The following WASF3 variants were observed in gnomAD, a reference collection of about 807,000 sequenced individuals.
WASF3 encodes WASP family member 3, also known as actin-binding protein WASF3.
WASF3 carries 11 observed loss-of-function variants against 46.6 expected under a neutral mutation model. That is an observed-to-expected ratio of 0.24 (90% CI 0.15 to 0.39). The LOEUF is 0.39. Ranked by LOEUF, WASF3 falls within the 10% of genes least tolerant of loss-of-function variation. WASF3 has a pLI of 1.00. For missense variants in WASF3, 576 were observed against 669.8 expected (o/e 0.86, Z 1.55); for synonymous variants, 242 against 259.7 (o/e 0.93, Z 0.65).
At chr13:26,562,594 A>C (rs1879326781) in intron 1 of WASF3, among the ~76,000 whole-genome samples, 1 of 152,046 alleles carries the variant, frequency 6.6e-6, no homozygotes, top group African/African-American at 2.4e-5. Context: ...CTGGTAAAGA[A>C]CCAGGAGAGG....
chr13:26,661,773 G>A (rs1593176526), intron 3 of WASF3, among the ~76,000 whole-genome samples: 1 of 152,146 alleles, frequency 6.6e-6, no homozygotes, highest in Non-Finnish European at 1.5e-5. Context: ...ACTTTTCTGC[G>A]TTTTTGTTTT....
In WASF3 at chr13:26,682,651, C is replaced by T; in HGVS notation, c.1028C>T (p.Pro343Leu). The T allele has an allele frequency of 1.2e-6, 2 of 1,614,126 alleles. No homozygotes were observed. The highest frequency in any genetic ancestry group is 2.2e-5 in the East Asian group (1 of 44,874). The change falls in exon 9 of 10, where the codon CCA becomes CTA. Residue 343 changes from proline to leucine, a missense_variant. By Grantham distance (98) the Pro-to-Leu change is moderately conservative. Coordinates refer to ENST00000335327, the MANE Select transcript of WASF3 (RefSeq NM_006646.6). This position sits in a 1 kb window ranked among gnomAD's most constrained non-coding sequence, Gnocchi z 4.4. ...QIIEYYNPSGPPPPPPPPVIP... is the reference protein window; with the variant it reads ...QIIEYYNPSGLPPPPPPPVIP... ...ATTGAGTATTACAACCCATCCGGAC[C>T]ACCTCCTCCGCCACCTCCTCCTGTG...
In WASF3 at chr13:26,688,665, T is replaced by C. The variant is rs906809484; in HGVS notation, c.*2820T>C. ...TTCTGAGCTCCAAGTGGCTAGGTTG[T>C]AAAAGTTTTATAATAATTTGCAATT... On this transcript the variant is annotated 3_prime_UTR_variant, in exon 10 of 10. Coordinates refer to ENST00000335327, the MANE Select transcript of WASF3 (RefSeq NM_006646.6). 3 of 152,362 alleles carry C rather than the reference T, an allele frequency of 2.0e-5. No individual in the cohort carries two copies. The highest frequency in any genetic ancestry group is 4.4e-5 in the Non-Finnish European group (3 of 68,038). The allele number at this position is 152,362 out of a possible 1,614,324, so 9.4% of individuals were successfully genotyped here.
At chr13:26,661,656 T>C (rs1882634134) in intron 3 of WASF3, among the ~76,000 whole-genome samples, 1 of 152,224 alleles carries the variant, frequency 6.6e-6, no homozygotes, top group Non-Finnish European at 1.5e-5. Flanking sequence ...CTGGGTCATA[T>C]GTTTAATTTT....
At chr13:26,647,405 T>C (rs747799150) in intron 3 of WASF3, among the ~76,000 whole-genome samples, 8 of 152,160 alleles carry the variant, frequency 5.3e-5, no homozygotes, top group South Asian at 2.1e-4. Context: ...GATTTTTTTT[T>C]CTTCAAATAA....
upstream of WASF3, among the ~76,000 whole-genome samples, chr13:26,554,116 TTTC>T: frequency 7.3e-6 from 1 of 136,356 alleles, no homozygotes; most frequent in Admixed American, 7.7e-5. Flanking sequence ...TCTTTCTTTC[TTTC>T]TTTCTTTCTT....
intron 3 of WASF3, among the ~76,000 whole-genome samples, chr13:26,658,037 G>C (rs1882517452): frequency 6.6e-6 from 1 of 152,140 alleles, no homozygotes; most frequent in South Asian, 2.1e-4. Flanking sequence ...GTCCTTTTCT[G>C]CTTATGCAGC....
intron 3 of WASF3, among the ~76,000 whole-genome samples, chr13:26,651,092 C>T (rs1882301940): frequency 6.6e-6 from 1 of 152,146 alleles, no homozygotes; most frequent in Non-Finnish European, 1.5e-5. Flanking sequence ...GAGGCCAAGG[C>T]AGGTGGATTA....
chr13:26,597,885 T>G (rs1477985410), intron 1 of WASF3, among the ~76,000 whole-genome samples: 1 of 152,210 alleles, frequency 6.6e-6, no homozygotes, highest in African/African-American at 2.4e-5. Flanking sequence ...TTTGGCCTGG[T>G]TCCAAGTCTT....
Position 26,688,677 on chromosome 13 carries a change from A to T in WASF3, c.*2832A>T, listed in dbSNP as rs2137536432. ...AGTGGCTAGGTTGTAAAAGTTTTAT[A>T]ATAATTTGCAATTAAAATACATGAT... On this transcript the variant is annotated 3_prime_UTR_variant, in exon 10 of 10. Coordinates refer to ENST00000335327, the MANE Select transcript of WASF3 (RefSeq NM_006646.6). The T allele has an allele frequency of 6.6e-6, 1 of 152,390 alleles. No individual in the cohort carries two copies. The highest frequency in any genetic ancestry group is 1.5e-5 in the Non-Finnish European group (1 of 68,042). 9.4% of individuals were successfully genotyped at this position (152,390 alleles called of 1,614,324 possible).
At chr13:26,628,940 G>A (rs1292273829) in intron 2 of WASF3, among the ~76,000 whole-genome samples, 1 of 152,206 alleles carries the variant, frequency 6.6e-6, no homozygotes, top group Non-Finnish European at 1.5e-5. Flanking sequence ...ACTGTGTTGT[G>A]GAGTATGACC....
At chr13:26,648,398 C>T (rs545205212) in intron 3 of WASF3, among the ~76,000 whole-genome samples, 1 of 152,286 alleles carries the variant, frequency 6.6e-6, no homozygotes, top group South Asian at 2.1e-4. Flanking sequence ...ACCAAATGCA[C>T]TCTAATTCAG....
intron 1 of WASF3, among the ~76,000 whole-genome samples, chr13:26,575,223 A>G (rs761037436): frequency 1.3e-5 from 2 of 152,030 alleles, no homozygotes; most frequent in Non-Finnish European, 2.9e-5. Context: ...TTCACGATAC[A>G]ATCACCTATG....
the WASF3 span, among the ~76,000 whole-genome samples, chr13:26,542,057 A>G: frequency 6.6e-6 from 1 of 152,210 alleles, no homozygotes; most frequent in Non-Finnish European, 1.5e-5. Flanking sequence ...TAGTTTGAAC[A>G]TGACCCATTT....
intron 4 of WASF3, among the ~76,000 whole-genome samples, chr13:26,667,298 A>C: frequency 6.6e-6 from 1 of 151,526 alleles, no homozygotes; most frequent in South Asian, 2.1e-4. Context: ...AGATTACTAC[A>C]AAAAAAAAGC....
intron 1 of WASF3, among the ~76,000 whole-genome samples, chr13:26,571,049 A>G (rs1879617654): frequency 6.6e-6 from 1 of 152,182 alleles, no homozygotes; most frequent in South Asian, 2.1e-4. Flanking sequence ...TATTATGACT[A>G]AAGTTGAGGA....
chr13:26,549,531 A>C, the WASF3 span, among the ~76,000 whole-genome samples: 114 of 152,296 alleles, frequency 7.5e-4, no homozygotes, highest in African/African-American at 2.4e-3. Flanking sequence ...AAAACACAAC[A>C]GTCCTTTCTA....
At chr13:26,634,474 T>A (rs1326377405) in intron 2 of WASF3, among the ~76,000 whole-genome samples, 1 of 152,248 alleles carries the variant, frequency 6.6e-6, no homozygotes, top group Non-Finnish European at 1.5e-5. Context: ...TTGGGGCATT[T>A]AGCCCATTTA....
rs773757357 is a variant in WASF3 at position 26,681,251 on chromosome 13, C to A, written c.914C>A (p.Pro305His). Residue 305 changes from proline to histidine, a missense_variant, in exon 8 of 10, where the codon CCC (proline) becomes CAC (histidine). Around this residue, in one of 3 missense-constraint regions of WASF3, gnomAD observed 295 missense variants for 291.5 expected, o/e 1.01. Transcript: ENST00000335327. ...GCCCTCAACAGACCTCAGCAGCCGC[C>A]CCCCCCGCCTCCCCCTCAGGCCCCA... ...HMALNRPQQP[P>H]PPPPPQAPEG... 8 of 1,613,290 alleles carry A rather than the reference C, an allele frequency of 5.0e-6. No individual in the cohort carries two copies. The highest frequency in any genetic ancestry group is 1.7e-5 in the Admixed American group (1 of 59,988).
Sources: allele counts gnomAD v4.1 joint callset (sites outside exome capture counted in the v4.1 genomes callset), GRCh38; gene constraint gnomAD v4.1.1; regional missense constraint gnomAD v4.1.1; non-coding constraint Gnocchi (gnomAD v3.1); transcripts MANE v1.5; gene names NCBI Gene and HGNC (gene_info 2026-07-23, HGNC 2026-07-21).